RNGTT: variants seen among roughly 807,000 people sequenced by gnomAD.
RNGTT encodes RNA guanylyltransferase and 5'-phosphatase.
A neutral mutation model predicts 79.3 loss-of-function variants in RNGTT; 33 were observed. The observed-to-expected ratio is 0.42, with a 90% CI of 0.32 to 0.56. The LOEUF is 0.56. RNGTT is among the 20% of genes least tolerant of loss of function. The pLI, the probability that RNGTT is intolerant of heterozygous loss-of-function variation, is 0.17. For synonymous variants in RNGTT, 222 were observed against 235.9 expected, an observed-to-expected ratio of 0.94 and a Z score of 0.54; for missense variants, 497 against 739.1, an observed-to-expected ratio of 0.67 and a Z score of 3.80.
At chr6:88,956,765 G>A (rs373321396) in intron 1 of RNGTT, among the ~76,000 whole-genome samples, 48 of 152,286 alleles carry the variant, frequency 3.2e-4, no homozygotes, top group African/African-American at 9.9e-4. Flanking sequence ...TTGGCCAGGC[G>A]TGGTGGCTCT....
chr6:88,843,120 C>G (rs1562281127), intron 11 of RNGTT, among the ~76,000 whole-genome samples: 1 of 148,614 alleles, frequency 6.7e-6, no homozygotes, highest in South Asian at 2.1e-4. Flanking sequence ...CTCACCTTCC[C>G]ATTACAATAC....
intron 13 of RNGTT, among the ~76,000 whole-genome samples, chr6:88,698,371 G>A (rs1775829296): frequency 6.8e-6 from 1 of 146,154 alleles, no homozygotes; most frequent in African/African-American, 2.5e-5. Flanking sequence ...ATGAAAAATT[G>A]CTAGCTATCT....
chr6:88,709,452 T>C lies in RNGTT; in HGVS notation c.1440-31033A>G, dbSNP rs573889571. ...TCTGAACTCCTTTTAGAACGCAAGC[T>C]AAAGCTGCAGTTATCCAATATATAA... On this transcript the variant is annotated intron_variant, in intron 13 of 15. Transcript: ENST00000369485. Among the ~76,000 whole-genome samples, 179 of 152,332 alleles carry C rather than the reference T, an allele frequency of 1.2e-3. 1 individual carries two copies. Among genetic ancestry groups the C allele is most frequent in the African/African-American group, 3.4e-3 (141 of 41,572 alleles).
intron 13 of RNGTT, among the ~76,000 whole-genome samples, chr6:88,745,077 A>G (rs1777619550): frequency 6.6e-6 from 1 of 152,198 alleles, no homozygotes; most frequent in Non-Finnish European, 1.5e-5. Flanking sequence ...TAGAAGCTAC[A>G]ACTAGTAGGA....
intron 12 of RNGTT, among the ~76,000 whole-genome samples, chr6:88,785,964 A>T (rs1779216816): frequency 6.6e-6 from 1 of 152,186 alleles, no homozygotes; most frequent in African/African-American, 2.4e-5. Context: ...ATAGTGATGA[A>T]AACATTAAAA....
At chr6:88,775,713 G>A (rs1310672713) in intron 12 of RNGTT, among the ~76,000 whole-genome samples, 4 of 152,070 alleles carry the variant, frequency 2.6e-5, no homozygotes, top group Admixed American at 2.6e-4. Flanking sequence ...TAACCAAGTA[G>A]CTTCATAATA....
intron 13 of RNGTT, among the ~76,000 whole-genome samples, chr6:88,702,164 C>T (rs1372891896): frequency 6.6e-6 from 1 of 152,086 alleles, no homozygotes; most frequent in Non-Finnish European, 1.5e-5. Flanking sequence ...AGATTCAATG[C>T]TATTCCTATC....
chr6:88,919,267 T>C (rs1388540919), intron 4 of RNGTT, among the ~76,000 whole-genome samples: 4 of 152,228 alleles, frequency 2.6e-5, no homozygotes, highest in Admixed American at 1.3e-4. Context: ...TTTAACTAAA[T>C]ATTAGCTCAC....
intron 13 of RNGTT, among the ~76,000 whole-genome samples, chr6:88,728,620 C>T (rs1414320843): frequency 6.6e-6 from 1 of 152,180 alleles, no homozygotes; most frequent in Non-Finnish European, 1.5e-5. Flanking sequence ...AAGTTCTTCC[C>T]CTTTTCTAAG....
intron 1 of RNGTT, among the ~76,000 whole-genome samples, chr6:88,942,349 T>C (rs1418800711): frequency 6.6e-6 from 1 of 152,240 alleles, no homozygotes; most frequent in South Asian, 2.1e-4. Flanking sequence ...CCAATTTTTT[T>C]AACATCTATT....
At chr6:88,903,065 A>C (rs1783527414) in intron 6 of RNGTT, among the ~76,000 whole-genome samples, 1 of 152,232 alleles carries the variant, frequency 6.6e-6, no homozygotes. Context: ...TTGGGGTAAT[A>C]GAAGAATAAA....
At chr6:88,901,272 G>GA (rs1370234228) in intron 6 of RNGTT, among the ~76,000 whole-genome samples, 1 of 151,576 alleles carries the variant, frequency 6.6e-6, no homozygotes, top group Non-Finnish European at 1.5e-5. Flanking sequence ...AACAAATTAG[G>GA]AAAAAAACTC....
At chr6:88,695,647 GGT>G (rs1482081900) in intron 13 of RNGTT, among the ~76,000 whole-genome samples, 2 of 152,026 alleles carry the variant, frequency 1.3e-5, no homozygotes, top group Non-Finnish European at 2.9e-5. Flanking sequence ...CCCACTTCTG[GGT>G]ATATATCTAA....
intron 14 of RNGTT, among the ~76,000 whole-genome samples, chr6:88,677,398 A>G (rs1423429993): frequency 6.6e-6 from 1 of 152,074 alleles, no homozygotes; most frequent in African/African-American, 2.4e-5. Flanking sequence ...TTTCACAACT[A>G]CAAGCATGTC....
intron 13 of RNGTT, among the ~76,000 whole-genome samples, chr6:88,747,042 A>T (rs1777681356): frequency 6.6e-6 from 1 of 152,158 alleles, no homozygotes; most frequent in African/African-American, 2.4e-5. Flanking sequence ...GACATACTTA[A>T]TAACCGGCAG....
At chr6:88,884,670 G>A (rs572478860) in intron 8 of RNGTT, among the ~76,000 whole-genome samples, 39 of 152,144 alleles carry the variant, frequency 2.6e-4, no homozygotes, top group African/African-American at 9.4e-4. Flanking sequence ...AAGGATGAGG[G>A]CAAACTCAGA....
intron 13 of RNGTT, among the ~76,000 whole-genome samples, chr6:88,707,918 T>C (rs1307423617): frequency 6.6e-6 from 1 of 151,942 alleles, no homozygotes; most frequent in Admixed American, 6.6e-5. Flanking sequence ...CAACAGATTC[T>C]ACTCTTCAAA....
chr6:88,734,724 C>T (rs774783905), intron 13 of RNGTT, among the ~76,000 whole-genome samples: 24 of 152,078 alleles, frequency 1.6e-4, no homozygotes, highest in African/African-American at 3.6e-4. Context: ...ACTATGGTGA[C>T]GTACAAGCAA....
intron 6 of RNGTT, 85 bp from the exon 7 acceptor site, chr6:88,892,000 T>C (rs762462074): frequency 1.6e-5 from 15 of 916,354 alleles, no homozygotes; most frequent in African/African-American, 3.5e-5. Flanking sequence ...GACTGAGAGA[T>C]AAATTAGTTT....
Sources: gnomAD v4.1 joint callset for allele counts (sites outside exome capture counted in the v4.1 genomes callset) on GRCh38, gnomAD v4.1.1 for gene constraint, MANE v1.5 for transcripts, NCBI Gene and HGNC (gene_info 2026-07-23, HGNC 2026-07-21) for gene names.